The following MYO16 variants were observed in gnomAD, a reference collection of about 807,000 sequenced individuals.
MYO16 encodes myosin XVI.
A neutral mutation model predicts 205.3 loss-of-function variants in MYO16; 94 were observed. The observed-to-expected ratio is 0.46, with a 90% CI of 0.39 to 0.54. The LOEUF is 0.54. Among genes scored for constraint, MYO16 ranks in the 20% least tolerant of loss-of-function variants. The pLI is 0.00. For missense variants in MYO16, 2,315 were observed against 2,387.5 expected (o/e 0.97, Z 0.63); for synonymous variants, 988 against 954.0 (o/e 1.04, Z -0.66).
At chr13:108,595,881 CTTTTTT>C (rs67620613), upstream of MYO16, among the ~76,000 whole-genome samples, 2 of 108,312 alleles carry the variant, frequency 1.8e-5, no homozygotes, top group African/African-American at 3.6e-5. Context: ...AAATTAAGTC[CTTTTTT>C]TTTTTTTTTT....
At chr13:108,851,784 T>C (rs7339361) in intron 10 of MYO16, among the ~76,000 whole-genome samples, 137,847 of 152,140 alleles carry the variant, frequency 0.91, 62,558 homozygotes, top group South Asian at 0.96. Context: ...TTCTCTGCTG[T>C]AGCTGCCAGG....
intron 16 of MYO16, among the ~76,000 whole-genome samples, chr13:108,920,545 A>G (rs189020827): frequency 3.8e-4 from 57 of 151,918 alleles, no homozygotes; most frequent in South Asian, 2.1e-4. Flanking sequence ...TGCAATCTCC[A>G]CCTCTCAGGT....
At chr13:108,566,689 AAGAG>A in the MYO16 span, among the ~76,000 whole-genome samples, 102 of 144,500 alleles carry the variant, frequency 7.1e-4, no homozygotes, top group African/African-American at 2.0e-3. Context: ...AAGGAAGGGA[AAGAG>A]AGAGAGAGAG....
At chr13:109,006,451 A>T (rs971024964) in intron 21 of MYO16, among the ~76,000 whole-genome samples, 1 of 151,956 alleles carries the variant, frequency 6.6e-6, no homozygotes, top group African/African-American at 2.4e-5. Context: ...TATTGGTCAG[A>T]CTGGTCTCGA....
At chr13:108,665,861 G>C in intron 1 of MYO16, 25 bp from the exon 2 acceptor site, 1 of 1,605,696 alleles carries the variant, frequency 6.2e-7, no homozygotes, top group Non-Finnish European at 8.5e-7. Context: ...TAGGTCTGGT[G>C]ACGCTCCCCT....
At chr13:108,977,622 A>T (rs974866307) in intron 20 of MYO16, among the ~76,000 whole-genome samples, 4 of 152,126 alleles carry the variant, frequency 2.6e-5, no homozygotes, top group African/African-American at 9.7e-5. Context: ...TCAGCACAGC[A>T]GGAAAATTAT....
At chr13:108,986,243 G>A (rs1884629604) in intron 20 of MYO16, among the ~76,000 whole-genome samples, 1 of 152,146 alleles carries the variant, frequency 6.6e-6, no homozygotes, top group South Asian at 2.1e-4. Context: ...TGGGAACACA[G>A]CCAAACCATA....
the MYO16 span, among the ~76,000 whole-genome samples, chr13:108,588,484 T>C: frequency 6.6e-6 from 1 of 152,048 alleles, no homozygotes; most frequent in African/African-American, 2.4e-5. Context: ...TTAATATACT[T>C]CCCCTCCTGA....
In MYO16 at chr13:109,100,797, G is replaced by T; in HGVS notation, c.3348G>T (p.Leu1116=). Residue 1116 remains leucine (L), a synonymous_variant, in exon 28 of 35, where the codon CTG becomes CTT. Coordinates refer to ENST00000457511, the MANE Select transcript of MYO16 (RefSeq NM_001198950.3). Reference sequence around the variant, plus strand: ...CTGCTTTTCACAGGTATAAGCCACTGGCTGATACATTCCTGCGTGAGAAGA... The same window carrying T: ...CTGCTTTTCACAGGTATAAGCCACTTGCTGATACATTCCTGCGTGAGAAGA... The part of the protein sequence containing the change: ...FSDFLSRYKP[L]ADTFLREKKE... 1 of 1,613,192 alleles carries T rather than the reference G, an allele frequency of 6.2e-7. No individual in the cohort carries two copies. The highest frequency in any genetic ancestry group is 8.5e-7 in the Non-Finnish European group (1 of 1,179,284).
intron 16 of MYO16, among the ~76,000 whole-genome samples, chr13:108,928,219 T>C (rs532570899): frequency 6.6e-6 from 1 of 151,356 alleles, no homozygotes; most frequent in South Asian, 2.1e-4. Context: ...AGCCTGGAGG[T>C]GAGGAAGTGT....
chr13:109,066,367 A>T (rs1428667582), intron 27 of MYO16, among the ~76,000 whole-genome samples: 1 of 152,212 alleles, frequency 6.6e-6, no homozygotes, highest in African/African-American at 2.4e-5. Context: ...ACTTTCTCCA[A>T]GGTAATTTTG....
intron 23 of MYO16, among the ~76,000 whole-genome samples, chr13:109,020,801 A>G (rs998356563): frequency 6.6e-6 from 1 of 152,164 alleles, no homozygotes; most frequent in Non-Finnish European, 1.5e-5. Context: ...GCTGTCTTAC[A>G]GTGTATTTCA....
intron 11 of MYO16, among the ~76,000 whole-genome samples, chr13:108,865,385 C>T (rs1242168763): frequency 6.6e-6 from 1 of 152,052 alleles, no homozygotes; most frequent in African/African-American, 2.4e-5. Flanking sequence ...ATTGATTTAT[C>T]ATTTTACTCT....
intron 11 of MYO16, among the ~76,000 whole-genome samples, chr13:108,861,292 T>A (rs1379765754): frequency 1.3e-5 from 2 of 152,186 alleles, no homozygotes; most frequent in African/African-American, 2.4e-5. Flanking sequence ...TGCAATCTGT[T>A]TTGTAGTATT....
At chr13:108,578,185 G>A in the MYO16 span, among the ~76,000 whole-genome samples, 5 of 152,122 alleles carry the variant, frequency 3.3e-5, no homozygotes, top group Non-Finnish European at 4.4e-5. Context: ...AAAAGCTGCC[G>A]TCAGTTGCCA....
upstream of MYO16, among the ~76,000 whole-genome samples, chr13:108,592,812 G>T (rs1278757585): frequency 6.6e-6 from 1 of 151,452 alleles, no homozygotes; most frequent in African/African-American, 2.4e-5. Flanking sequence ...CGAGCACAGG[G>T]CCATTCTCAA....
intron 4 of MYO16, among the ~76,000 whole-genome samples, chr13:108,783,820 G>A (rs373256463): frequency 1.9e-4 from 29 of 152,128 alleles, no homozygotes; most frequent in South Asian, 1.9e-3. Flanking sequence ...AGTGCCTTTC[G>A]CCTCCTGCCA....
intron 1 of MYO16, among the ~76,000 whole-genome samples, chr13:108,649,995 A>G (rs1371063001): frequency 6.6e-6 from 1 of 152,188 alleles, no homozygotes; most frequent in Non-Finnish European, 1.5e-5. Context: ...AAATGTATTT[A>G]CAGTGAAAAG....
At chr13:108,691,828 T>C (rs370874281) in intron 2 of MYO16, among the ~76,000 whole-genome samples, 2 of 152,320 alleles carry the variant, frequency 1.3e-5, no homozygotes, top group African/African-American at 4.8e-5. Flanking sequence ...AAGTTGATGA[T>C]ATATTTGATG....
Sources: allele counts gnomAD v4.1 joint callset (sites outside exome capture counted in the v4.1 genomes callset), GRCh38; gene constraint gnomAD v4.1.1; transcripts MANE v1.5; gene names NCBI Gene and HGNC (gene_info 2026-07-23, HGNC 2026-07-21).